Variants in CECR2 observed in about 807,000 individuals in gnomAD.
The protein encoded by CECR2 is CECR2 histone acetyl-lysine reader.
In CECR2, 30 loss-of-function variants were observed where a neutral mutation model predicts 154.5. The ratio of observed to expected loss-of-function variants is 0.19; its 90% CI spans 0.15 to 0.26. The LOEUF is 0.26. Among genes scored for constraint, CECR2 ranks in the 10% least tolerant of loss-of-function variants. CECR2 has a pLI of 1.00. For missense variants in CECR2, 1,743 were observed against 1,829.3 expected (o/e 0.95, Z 0.86); for synonymous variants, 725 against 683.7 (o/e 1.06, Z -0.94).
chr22:17,414,247 C>T (rs1295183787), intron 1 of CECR2, among the ~76,000 whole-genome samples: 1 of 152,214 alleles, frequency 6.6e-6, no homozygotes, highest in African/African-American at 2.4e-5. Flanking sequence ...GCTGGGATTA[C>T]AGGCGTGAGC....
At chr22:17,536,928 C>T (rs1270319408) in intron 9 of CECR2, among the ~76,000 whole-genome samples, 175 bp from the exon 10 acceptor site, 6 of 152,142 alleles carry the variant, frequency 3.9e-5, no homozygotes, top group East Asian at 3.9e-4. Context: ...TGTCTTAAAG[C>T]ATTCCATCTG....
intron 1 of CECR2, among the ~76,000 whole-genome samples, chr22:17,398,384 T>C (rs146152598): frequency 2.4e-4 from 36 of 152,224 alleles, no homozygotes; most frequent in African/African-American, 8.2e-4. Flanking sequence ...GATGAGTATG[T>C]GAGGTCGTAA....
intron 1 of CECR2, among the ~76,000 whole-genome samples, chr22:17,427,734 T>A (rs1471855217): frequency 5.3e-5 from 8 of 152,170 alleles, no homozygotes; most frequent in Admixed American, 5.2e-4. Flanking sequence ...TATTCCCTTA[T>A]TTGGCCCTGC....
intron 1 of CECR2, among the ~76,000 whole-genome samples, chr22:17,421,918 T>G (rs1445483151): frequency 6.6e-6 from 1 of 150,630 alleles, no homozygotes; most frequent in Admixed American, 6.6e-5. Context: ...ACACATCTCC[T>G]CAATTGTTGT....
chr22:17,490,559 C>T (rs370261095), intron 2 of CECR2, among the ~76,000 whole-genome samples: 2 of 152,112 alleles, frequency 1.3e-5, no homozygotes, highest in Non-Finnish European at 2.9e-5. Flanking sequence ...ATCAGCCTCC[C>T]GAGTAGCTGG....
At chr22:17,453,495 AT>A (rs886721643) in intron 1 of CECR2, among the ~76,000 whole-genome samples, 2 of 152,208 alleles carry the variant, frequency 1.3e-5, no homozygotes, top group East Asian at 1.9e-4. Flanking sequence ...GATTTGAAAA[AT>A]TAATAAGTGT....
chr22:17,371,626 A>G (rs942132002), intron 1 of CECR2, among the ~76,000 whole-genome samples: 1 of 152,190 alleles, frequency 6.6e-6, no homozygotes, highest in Non-Finnish European at 1.5e-5. Context: ...CCTGCAGTCA[A>G]AATGGTGGCT....
At chr22:17,481,140 A>G (rs1377400911) in intron 2 of CECR2, among the ~76,000 whole-genome samples, 1 of 150,430 alleles carries the variant, frequency 6.6e-6, no homozygotes, top group Non-Finnish European at 1.5e-5. Context: ...TCAGGAAATC[A>G]AGACCATCCT....
Position 17,542,389 on chromosome 22 carries a change from C to G in CECR2, c.2246C>G (p.Pro749Arg), listed in dbSNP as rs560689415. The G allele has an allele frequency of 1.2e-6, 2 of 1,613,816 alleles. No homozygotes were observed. The highest frequency in any genetic ancestry group is 2.7e-5 in the African/African-American group (2 of 75,036). ...GGAPARPPDF[P>R]ESSEIPPSHM... Reference sequence around the variant, plus strand: ...GCTCCAGCCCGGCCACCAGACTTTCCTGAAAGCTCAGAAATTCCTCCCAGC... The same window carrying G: ...GCTCCAGCCCGGCCACCAGACTTTCGTGAAAGCTCAGAAATTCCTCCCAGC... Residue 749 changes from proline to arginine, a missense_variant, in exon 16 of 19, where the codon CCT becomes CGT. Around this residue, in one of 4 missense-constraint regions of CECR2, gnomAD observed 1,250 missense variants for 1,192.1 expected, o/e 1.05. Transcript: ENST00000262608.
At chr22:17,470,299 A>G (rs1273639266) in intron 1 of CECR2, among the ~76,000 whole-genome samples, 1 of 149,974 alleles carries the variant, frequency 6.7e-6, no homozygotes, top group African/African-American at 2.5e-5. Context: ...ATAGCTGGGC[A>G]TGGTGGTGCA....
chr22:17,452,938 C>G (rs979688106), intron 1 of CECR2, among the ~76,000 whole-genome samples: 1 of 152,040 alleles, frequency 6.6e-6, no homozygotes, highest in Non-Finnish European at 1.5e-5. Flanking sequence ...TAGCAGTAAG[C>G]CCTGTGGAAG....
intron 1 of CECR2, among the ~76,000 whole-genome samples, chr22:17,432,424 T>C (rs577638030): frequency 3.2e-4 from 49 of 152,362 alleles, no homozygotes; most frequent in African/African-American, 1.1e-3. Flanking sequence ...TCCATAATAC[T>C]GCTATGAATA....
chr22:17,451,245 T>C (rs569894932), intron 1 of CECR2, among the ~76,000 whole-genome samples: 1 of 152,328 alleles, frequency 6.6e-6, no homozygotes, highest in East Asian at 1.9e-4. Flanking sequence ...TTGGCAGCCA[T>C]TACAGGTAGA....
At chr22:17,425,237 A>G (rs747233096) in intron 1 of CECR2, among the ~76,000 whole-genome samples, 4 of 152,052 alleles carry the variant, frequency 2.6e-5, no homozygotes, top group African/African-American at 9.7e-5. Flanking sequence ...TGCATCTAGT[A>G]TCTGAGGAAG....
intron 1 of CECR2, among the ~76,000 whole-genome samples, chr22:17,447,670 G>T (rs1017521214): frequency 1.3e-5 from 2 of 149,326 alleles, no homozygotes; most frequent in Non-Finnish European, 3.0e-5. Context: ...AAAAAGAAAA[G>T]CCGGGGGTCG....
At chr22:17,531,199 A>C (rs2056349266) in intron 9 of CECR2, among the ~76,000 whole-genome samples, 1 of 152,200 alleles carries the variant, frequency 6.6e-6, no homozygotes, top group African/African-American at 2.4e-5. Flanking sequence ...GGGAGTTAGA[A>C]AACAAAAAAA....
chr22:17,368,483 C>T (rs560383706), upstream of CECR2, among the ~76,000 whole-genome samples: 9 of 151,884 alleles, frequency 5.9e-5, no homozygotes, highest in South Asian at 1.9e-3. Context: ...AACTTCTAGC[C>T]TGTTTCTGGG....
At chr22:17,423,703 CA>C (rs775346951) in intron 1 of CECR2, among the ~76,000 whole-genome samples, 46 of 152,118 alleles carry the variant, frequency 3.0e-4, no homozygotes, top group Non-Finnish European at 6.6e-4. Flanking sequence ...TTTTAGCTCT[CA>C]GATTTGTTCA....
intron 9 of CECR2, among the ~76,000 whole-genome samples, chr22:17,535,377 G>A (rs950412767): frequency 6.6e-6 from 1 of 152,060 alleles, no homozygotes; most frequent in African/African-American, 2.4e-5. Context: ...GACAGTGCCT[G>A]ATGAAGTTTA....
Sources: gnomAD v4.1 joint callset for allele counts (sites outside exome capture counted in the v4.1 genomes callset) on GRCh38, gnomAD v4.1.1 for gene constraint, gnomAD v4.1.1 regional missense constraint, MANE v1.5 for transcripts, NCBI Gene and HGNC (gene_info 2026-07-23, HGNC 2026-07-21) for gene names.